The following NACA variants were observed in gnomAD, a reference collection of about 807,000 sequenced individuals.
The protein encoded by NACA is nascent polypeptide-associated complex subunit alpha.
In NACA, 42 loss-of-function variants were observed where a neutral mutation model predicts 86.4. The ratio of observed to expected loss-of-function variants is 0.49; its 90% CI spans 0.38 to 0.63. The LOEUF (loss-of-function observed/expected upper bound fraction) is 0.63. Ranked by LOEUF, NACA falls within the 20% of genes least tolerant of loss-of-function variation. The probability of loss-of-function intolerance (pLI) is 0.00; values close to 1 mark genes in which losing one functional copy is unlikely to be tolerated. For missense variants in NACA, 2,157 were observed against 2,483.6 expected (o/e 0.87, Z 2.80); for synonymous variants, 898 against 973.7 (o/e 0.92, Z 1.45).
Position 56,713,638 on chromosome 12 carries a change from C to T in NACA, c.5869G>A (p.Val1957Ile). Reference sequence around the variant, plus strand: ...ATATTCTTAGATTTCCGGATAGTGACTCTAGTAACTCCTGTAACCTGCCGA... The same window carrying T: ...ATATTCTTAGATTTCCGGATAGTGATTCTAGTAACTCCTGTAACCTGCCGA... ...GLRQVTGVTR[V>I]TIRKSKNILF... is the part of the protein sequence containing the mutation. Residue 1957 changes from valine to isoleucine, a missense_variant, in exon 6 of 9, where the codon GTC becomes ATC. Physicochemically the swap from Val to Ile is conservative, Grantham distance 29. Transcript: ENST00000454682. The T allele has an allele frequency of 6.2e-7, 1 of 1,614,016 alleles. No individual in the cohort carries two copies. Among genetic ancestry groups the T allele is most frequent in the Non-Finnish European group, 8.5e-7 (1 of 1,179,918 alleles).
At position 56,717,664 on chromosome 12, in the gene NACA, G is replaced by A; in HGVS notation, c.3866C>T (p.Pro1289Leu). Reference protein sequence around the residue: ...ATPPHKGAPNPAVVTPPSPKG... With the variant: ...ATPPHKGAPNLAVVTPPSPKG... ...TGGAGAGGGAGGAGTTACAACTGCG[G>A]GATTGGGGGCCCCTTTGTGGGGTGG... The change falls in exon 3 of 9, where the codon CCC becomes CTC. Residue 1289 changes from proline (P) to leucine (L), a missense_variant. By Grantham distance (98) the Pro-to-Leu change is moderately conservative (BLOSUM62 -3). This residue lies in a region of NACA where 797 missense variants were observed against 777.6 expected (regional missense o/e 1.02). Transcript: ENST00000454682. The A allele has an allele frequency of 3.3e-6, 4 of 1,195,052 alleles. No homozygotes were observed. Among genetic ancestry groups the A allele is most frequent in the Non-Finnish European group, 4.2e-6 (4 of 945,046 alleles). 74.0% of individuals were successfully genotyped at this position (1,195,052 alleles called of 1,614,324 possible).
Position 56,715,923 on chromosome 12 carries a change from T to G in NACA, c.5607A>C (p.Gly1869=). ...TGGCAGAGGGGGTTGGGACAGGGAT[T>G]CCAGCAGATTTAGGGGTGGGCATGT... ...LVNMPTPKSA[G]IPVPTPSAKQ... The change falls in exon 3 of 9, where the codon GGA becomes GGC. Residue 1869 remains glycine, a synonymous_variant. Coordinates refer to ENST00000454682, the MANE Select transcript of NACA (RefSeq NM_001365896.1). 4.6e-6 allele frequency: 7 copies of G among 1,523,636 alleles called. No individual in the cohort carries two copies. The highest frequency in any genetic ancestry group is 6.2e-6 in the Non-Finnish European group (7 of 1,135,952). 94.4% of individuals were successfully genotyped at this position (1,523,636 alleles called of 1,614,324 possible).
rs751905506 is a variant in NACA at position 56,721,184 on chromosome 12, A to G, written c.346T>C (p.Leu116=). The part of the protein sequence containing the change: ...LIGPPISPAA[L]ALASPMIAPT... ...GCTATCATGGGAGAGGCTAGAGCTAAGGCAGCTGGGGAGATGGGAGGCCCT... is the reference window on the plus strand; with the variant it reads ...GCTATCATGGGAGAGGCTAGAGCTAGGGCAGCTGGGGAGATGGGAGGCCCT... Residue 116 remains leucine, a synonymous_variant, in exon 3 of 9, where the codon TTA becomes CTA. Coordinates refer to ENST00000454682, the MANE Select transcript of NACA (RefSeq NM_001365896.1). The G allele has an allele frequency of 6.8e-6, 11 of 1,613,948 alleles. No individual in the cohort carries two copies. The highest frequency in any genetic ancestry group is 9.3e-6 in the Non-Finnish European group (11 of 1,179,880).
At chr12:56,713,448 A>G (rs917805647) in intron 6 of NACA, 89 bp downstream of exon 6, 14 of 1,500,834 alleles carry the variant, frequency 9.3e-6, no homozygotes, top group Non-Finnish European at 1.3e-5. Flanking sequence ...TAGCCCTTCC[A>G]TAACAGAGAA....
Position 56,716,111 on chromosome 12 carries a change from C to G in NACA, c.5419G>C (p.Val1807Leu), listed in dbSNP as rs763580591. The G allele has an allele frequency of 1.2e-6, 2 of 1,613,310 alleles. No individual in the cohort carries two copies. The highest frequency in any genetic ancestry group is 2.2e-5 in the South Asian group (2 of 91,042). Residue 1807 changes from valine (V) to leucine (L), a missense_variant, in exon 3 of 9, where the codon GTT becomes CTT. Val to Leu is a conservative substitution (Grantham distance 32, BLOSUM62 1). Around this residue, in one of 8 missense-constraint regions of NACA, gnomAD observed 797 missense variants for 777.6 expected, o/e 1.02. Transcript: ENST00000454682. The stretch of plus-strand genomic sequence containing the variant: ...TGCTGTTTAGGAGGCAGAGTGGGAA[C>G]TGGGGAGGGAGCAAGAGGCAGAGAG... ...PVSLPLAPSPVPTLPPKQQFL... is the reference protein window; with the variant it reads ...PVSLPLAPSPLPTLPPKQQFL...
In NACA at chr12:56,717,296, G is replaced by A; in HGVS notation, c.4234C>T (p.Pro1412Ser). ...PTSPAVIPLS[P>S]KKAPATPVTR... is the part of the protein sequence containing the mutation. ...ACTGGAGTTGCTGGAGCCTTTTTGG[G>A]GGAGAGAGGAATCACTGCTGGGGAA... Residue 1412 changes from proline to serine, a missense_variant, in exon 3 of 9, where the codon CCC (proline) becomes TCC (serine). Pro to Ser is a moderately conservative substitution (Grantham distance 74). Transcript: ENST00000454682. 2 of 1,343,976 alleles carry A rather than the reference G, an allele frequency of 1.5e-6. No individual in the cohort carries two copies. Among genetic ancestry groups the A allele is most frequent in the Non-Finnish European group, 1.9e-6 (2 of 1,025,956 alleles). The allele number at this position is 1,343,976 out of a possible 1,614,324, so 83.3% of individuals were successfully genotyped here.
chr12:56,716,940 T>G lies in NACA; in HGVS notation c.4590A>C (p.Thr1530=). 1.5e-6 allele frequency: 2 copies of G among 1,293,380 alleles called. No individual in the cohort carries two copies. The highest frequency in any genetic ancestry group is 1.0e-6 in the Non-Finnish European group (1 of 1,000,694). The allele number at this position is 1,293,380 out of a possible 1,614,324, so 80.1% of individuals were successfully genotyped here. A position where few individuals can be genotyped will look rare whatever the true frequency, so the allele number is the denominator to read the frequency against. ...PSSRRDPIAP[T]ATLLSKKTPA... ...GGGTCTTTTTAGAGAGAAGAGTCGC[T>G]GTTGGGGCAATGGGGTCCCTTCTGG... Residue 1530 remains threonine, a synonymous_variant, in exon 3 of 9, where the codon ACA becomes ACC. Transcript: ENST00000454682.
Position 56,719,031 on chromosome 12 carries a change from AG to A in NACA, c.2498del (p.Ala833ValfsTer38). ...NLSSPVSPVE[A>X]SFLPENSLSF... ...AAAGACTATTCTCTGGAAGAAATGA[AG>A]CTTCAACTGGAGAAACAGGGGATGA... is the stretch of plus-strand genomic sequence containing the variant. On this transcript the variant is annotated frameshift_variant, in exon 3 of 9. Coordinates refer to ENST00000454682, the MANE Select transcript of NACA (RefSeq NM_001365896.1). LOFTEE classifies it high-confidence loss of function. 6.9e-7 allele frequency: 1 copy of A among 1,448,128 alleles called. No individual in the cohort carries two copies. The highest frequency in any genetic ancestry group is 9.3e-7 in the Non-Finnish European group (1 of 1,071,718). The allele number at this position is 1,448,128 out of a possible 1,614,324, so 89.7% of individuals were successfully genotyped here. A position where few individuals can be genotyped will look rare whatever the true frequency, so the allele number is the denominator to read the frequency against.
intron 1 of NACA, 196 bp from the exon 2 acceptor site, chr12:56,724,719 A>C: frequency 1.7e-6 from 1 of 580,032 alleles, no homozygotes; most frequent in Non-Finnish European, 3.0e-6. Flanking sequence ...TATCAAGGCC[A>C]GCAATTCCCA....
At chr12:56,715,349 A>C (rs1953323469) in intron 3 of NACA, among the ~76,000 whole-genome samples, 1 of 152,198 alleles carries the variant, frequency 6.6e-6, no homozygotes, top group Admixed American at 6.5e-5. Context: ...CTGAGGAAAA[A>C]AAGCATACAC....
chr12:56,716,405 T>C lies in NACA; in HGVS notation c.5125A>G (p.Ser1709Gly), dbSNP rs1953363134. The change falls in exon 3 of 9, where the codon AGT (serine) becomes GGT (glycine). Residue 1709 changes from serine to glycine, a missense_variant. Coordinates refer to ENST00000454682, the MANE Select transcript of NACA (RefSeq NM_001365896.1). ...PTRKGPQTKKSSATSPPICPD... is the reference protein window; with the variant it reads ...PTRKGPQTKKGSATSPPICPD... ...CATATAGGAGGTGAAGTAGCAGAAC[T>C]CTTTTTGGTCTGTGGACCTTTCCGA... 6.2e-7 allele frequency: 1 copy of C among 1,603,472 alleles called. No individual in the cohort carries two copies. Among genetic ancestry groups the C allele is most frequent in the Non-Finnish European group, 8.5e-7 (1 of 1,173,840 alleles).
chr12:56,712,911 G>C lies in NACA; in HGVS notation c.6100-3C>G, dbSNP rs1161413027. ...ACTTCTACACCTGTTTCATCGACCT[G>C]AGAGATGAGAGGGAAAAAGCAGTAA... On this transcript the variant is annotated splice_region_variant and splice_polypyrimidine_tract_variant and intron_variant, in intron 7 of 8. Transcript: ENST00000454682. 4.3e-6 allele frequency: 7 copies of C among 1,613,960 alleles called. No individual in the cohort carries two copies. Among genetic ancestry groups the C allele is most frequent in the Non-Finnish European group, 5.9e-6 (7 of 1,179,988 alleles).
Position 56,720,038 on chromosome 12 carries a change from C to T in NACA, c.1492G>A (p.Ala498Thr). ...GAGACTGGTATCCTCAGAGTGGTTG[C>T]TACTTGAGTAGAAGGCTCTTTGGGA... ...VAPKEPSTQVATTLRIPVSPP... is the reference protein window; with the variant it reads ...VAPKEPSTQVTTTLRIPVSPP... Residue 498 changes from alanine to threonine, a missense_variant, in exon 3 of 9, where the codon GCA (alanine) becomes ACA (threonine). Physicochemically the swap from Ala to Thr is moderately conservative, Grantham distance 58 (BLOSUM62 0). Around this residue, in one of 8 missense-constraint regions of NACA, gnomAD observed 947 missense variants for 917.9 expected, o/e 1.03. Transcript: ENST00000454682. 1 of 1,613,828 alleles carries T rather than the reference C, an allele frequency of 6.2e-7. No homozygotes were observed.
Position 56,720,036 on chromosome 12 carries a change from T to G in NACA, c.1494A>C (p.Ala498=). The change falls in exon 3 of 9, where the codon GCA becomes GCC. Residue 498 remains alanine (A), a synonymous_variant. Coordinates refer to ENST00000454682, the MANE Select transcript of NACA (RefSeq NM_001365896.1). The part of the protein sequence containing the change: ...VAPKEPSTQV[A]TTLRIPVSPP... ...GAGAGACTGGTATCCTCAGAGTGGT[T>G]GCTACTTGAGTAGAAGGCTCTTTGG... 6.2e-7 allele frequency: 1 copy of G among 1,613,874 alleles called. No individual in the cohort carries two copies. Among genetic ancestry groups the G allele is most frequent in the Non-Finnish European group, 8.5e-7 (1 of 1,179,850 alleles).
rs775922980 is a variant in NACA at position 56,718,769 on chromosome 12, C to A, written c.2761G>T (p.Ala921Ser). 2.1e-6 allele frequency: 3 copies of A among 1,444,226 alleles called. No individual in the cohort carries two copies. Among genetic ancestry groups the A allele is most frequent in the South Asian group, 1.1e-5 (1 of 88,676 alleles). The allele number at this position is 1,444,226 out of a possible 1,614,324, so 89.5% of individuals were successfully genotyped here. Reference protein sequence around the residue: ...LSMTSSSPKKARATPAPKGIP... With the variant: ...LSMTSSSPKKSRATPAPKGIP... ...CCTTTAGGGGCTGGAGTTGCTCGGG[C>A]CTTTTTGGGGGAGGAAGAAGTCATG... Residue 921 changes from alanine (A) to serine (S), a missense_variant, in exon 3 of 9, where the codon GCC (alanine) becomes TCC (serine). Transcript: ENST00000454682.
rs1295558291 is a variant in NACA at position 56,721,299 on chromosome 12, A to G, written c.231T>C (p.Pro77=). 1.2e-6 allele frequency: 2 copies of G among 1,610,710 alleles called. No individual in the cohort carries two copies. Among genetic ancestry groups the G allele is most frequent in the Non-Finnish European group, 1.7e-6 (2 of 1,179,084 alleles). The change falls in exon 3 of 9, where the codon CCT becomes CCC. Residue 77 remains proline, a synonymous_variant. Coordinates refer to ENST00000454682, the MANE Select transcript of NACA (RefSeq NM_001365896.1). ...FPSPSTIAST[P]LEVPFPQSSS... Reference sequence around the variant, plus strand: ...ATGACTGGGGAAAAGGAACTTCTAAAGGGGTCGAGGCAATAGTAGAGGGGG... The same window carrying G: ...ATGACTGGGGAAAAGGAACTTCTAAGGGGGTCGAGGCAATAGTAGAGGGGG...
In NACA at chr12:56,724,381, T is replaced by G. The variant is rs1953652968; in HGVS notation, c.70+71A>C. The G allele has an allele frequency of 2.7e-6, 4 of 1,470,220 alleles. No homozygotes were observed. The South Asian group carries it at 5.0e-5, about 18-fold the overall frequency. 91.1% of individuals were successfully genotyped at this position (1,470,220 alleles called of 1,614,324 possible). A position where few individuals can be genotyped will look rare whatever the true frequency, so the allele number is the denominator to read the frequency against. On this transcript the variant is annotated intron_variant, in intron 2 of 8. Transcript: ENST00000454682. ...ATCCTCCTAAAAAGTGTATTTCCCC[T>G]TGGTCATTTTGCCCACCAAATGGCT...
rs775925041 is a variant in NACA at position 56,717,404 on chromosome 12, G to C, written c.4126C>G (p.Pro1376Ala). 2 of 1,364,800 alleles carry C rather than the reference G, an allele frequency of 1.5e-6. No individual in the cohort carries two copies. Among genetic ancestry groups the C allele is most frequent in the East Asian group, 6.6e-5 (2 of 30,256 alleles). The allele number at this position is 1,364,800 out of a possible 1,614,324, so 84.5% of individuals were successfully genotyped here. A position where few individuals can be genotyped will look rare whatever the true frequency, so the allele number is the denominator to read the frequency against. Residue 1376 changes from proline (P) to alanine (A), a missense_variant, in exon 3 of 9, where the codon CCC becomes GCC. Physicochemically the swap from Pro to Ala is conservative, Grantham distance 27. Coordinates refer to ENST00000454682, the MANE Select transcript of NACA (RefSeq NM_001365896.1). ...KEGPTPPAAT[P>A]SHKGGPAMTP... ...ATAGCGGGACCTCCTTTGTGGGAGGGGGTTGCAGCTGGGGGAGTGGGGCCC... is the reference window on the plus strand; with the variant it reads ...ATAGCGGGACCTCCTTTGTGGGAGGCGGTTGCAGCTGGGGGAGTGGGGCCC...
rs1953557272 is a variant in NACA at position 56,720,959 on chromosome 12, CT to C, written c.570del (p.Val191PhefsTer5). 1 of 1,613,838 alleles carries C rather than the reference CT, an allele frequency of 6.2e-7. No homozygotes were observed. The highest frequency in any genetic ancestry group is 1.7e-5 in the Admixed American group (1 of 59,992). ...GGATTAGGGACTACCTCAGAGGGAA[CT>C]TTATTAAGATTAGTCTTTGGTTCTG... ...APSEPKTNLN[K>X]VPSEVVPNPK... is the part of the protein sequence containing the mutation. On this transcript the variant is annotated frameshift_variant, in exon 3 of 9. Transcript: ENST00000454682. LOFTEE classifies it high-confidence loss of function.
Sources: allele counts gnomAD v4.1 joint callset (sites outside exome capture counted in the v4.1 genomes callset), GRCh38; gene constraint gnomAD v4.1.1; regional missense constraint gnomAD v4.1.1; transcripts MANE v1.5; gene names NCBI Gene and HGNC (gene_info 2026-07-23, HGNC 2026-07-21).